SASH1: variants seen among roughly 807,000 people sequenced by gnomAD.
SASH1 encodes the protein SAM and SH3 domain containing 1, also known as SAM and SH3 domain-containing protein 1.
A neutral mutation model predicts 125.2 loss-of-function variants in SASH1; 44 were observed. The observed-to-expected ratio is 0.35, with a 90% CI of 0.28 to 0.45. The LOEUF (loss-of-function observed/expected upper bound fraction) is 0.45. Among genes scored for constraint, SASH1 ranks in the 20% least tolerant of loss-of-function variants. SASH1 has a pLI of 1.00. For synonymous variants in SASH1, 639 were observed against 649.1 expected, an observed-to-expected ratio of 0.98 and a Z score of 0.24; for missense variants, 1,426 against 1,614.5, an observed-to-expected ratio of 0.88 and a Z score of 2.00.
rs182406611 is a variant in SASH1 at position 148,467,798 on chromosome 6, G to A, written c.387-747G>A. Among the ~76,000 whole-genome samples the A allele has an allele frequency of 3.2e-4, 48 of 152,240 alleles. 1 individual carries two copies. The highest frequency in any genetic ancestry group is 1.2e-3 in the South Asian group (6 of 4,814). Reference sequence around the variant, plus strand: ...CTAAAAATACAAAAATTAGCCAGGCGTGATGGCGCATACCTGTAATCTCAG... The same window carrying A: ...CTAAAAATACAAAAATTAGCCAGGCATGATGGCGCATACCTGTAATCTCAG... On this transcript the variant is annotated intron_variant, in intron 4 of 19. Transcript: ENST00000367467.
chr6:148,332,812 C>A (rs2114605796), intron 1 of SASH1, among the ~76,000 whole-genome samples: 1 of 151,818 alleles, frequency 6.6e-6, no homozygotes, highest in South Asian at 2.1e-4. Flanking sequence ...ATGGTAAAAC[C>A]CCATCTCTAC....
intron 1 of SASH1, among the ~76,000 whole-genome samples, chr6:148,359,140 G>A (rs1782079408): frequency 6.6e-6 from 1 of 151,856 alleles, no homozygotes; most frequent in Non-Finnish European, 1.5e-5. Context: ...GCACTTTGCA[G>A]TTATGGCTTG....
At chr6:148,230,932 T>C in the SASH1 span, among the ~76,000 whole-genome samples, 1 of 152,372 alleles carries the variant, frequency 6.6e-6, no homozygotes, top group South Asian at 2.1e-4. Flanking sequence ...GTAGGTTGTC[T>C]TTTCACATTC....
chr6:148,391,901 A>G lies in SASH1; in HGVS notation c.285+1639A>G, dbSNP rs554469319. Among the ~76,000 whole-genome samples, 5 of 152,280 alleles carry G rather than the reference A, an allele frequency of 3.3e-5. No individual in the cohort carries two copies. In the East Asian group the frequency reaches 9.6e-4, roughly 29 times the overall value. On this transcript the variant is annotated intron_variant, in intron 2 of 19. Coordinates refer to ENST00000367467, the MANE Select transcript of SASH1 (RefSeq NM_015278.5). ...AAAATGTTCAACCCTCTGTCTCCTC[A>G]TCCAGACCTGTTCCTTTTGAGCCAT... is the stretch of plus-strand genomic sequence containing the variant.
chr6:148,403,986 TAGTG>T (rs1784278049), intron 2 of SASH1, among the ~76,000 whole-genome samples: 3 of 152,340 alleles, frequency 2.0e-5, no homozygotes, highest in South Asian at 4.1e-4. Flanking sequence ...CACCTTTCTA[TAGTG>T]AGTATGTTGT....
At chr6:148,297,436 A>G (rs955117688) in intron 1 of SASH1, among the ~76,000 whole-genome samples, 4 of 151,270 alleles carry the variant, frequency 2.6e-5, no homozygotes, top group African/African-American at 9.7e-5. Context: ...CTAGGATTGT[A>G]AAAAAAAATA....
rs1381500273 is a variant in SASH1, at chr6:148,533,711, C to CTTGAT, written c.1735-56_1735-52dup. On this transcript the variant is annotated intron_variant, in intron 14 of 19. Transcript: ENST00000367467. This position sits in a 1 kb window ranked among gnomAD's most constrained non-coding sequence, Gnocchi z 6.2. Reference sequence around the variant, plus strand: ...GCATGACCTGTGTATCTGACAGATTCTTGATTTGTACGTTCATGGAATGTA... The same window carrying CTTGAT: ...GCATGACCTGTGTATCTGACAGATTCTTGATTTGATTTGTACGTTCATGGAATGTA... The CTTGAT allele has an allele frequency of 2.7e-6, 4 of 1,485,602 alleles. No homozygotes were observed. The Admixed American group carries it at 5.2e-5, about 19-fold the overall frequency. 92.0% of individuals were successfully genotyped at this position (1,485,602 alleles called of 1,614,324 possible).
intron 7 of SASH1, among the ~76,000 whole-genome samples, chr6:148,477,359 T>G (rs1778408913): frequency 6.6e-6 from 1 of 151,636 alleles, no homozygotes; most frequent in Non-Finnish European, 1.5e-5. Flanking sequence ...CTCAAACAAC[T>G]CAATAGGAAA....
At chr6:148,497,222 C>T (rs530784505) in intron 8 of SASH1, among the ~76,000 whole-genome samples, 3 of 152,156 alleles carry the variant, frequency 2.0e-5, no homozygotes, top group Non-Finnish European at 4.4e-5. Context: ...GAGAAATGCC[C>T]GTTTTGTTCC....
At chr6:148,315,396 C>T (rs1171256088) in intron 1 of SASH1, among the ~76,000 whole-genome samples, 1 of 152,098 alleles carries the variant, frequency 6.6e-6, no homozygotes, top group Non-Finnish European at 1.5e-5. Flanking sequence ...GAAAGTGAAC[C>T]TTAGAGAGTA....
At chr6:148,249,209 AGCAGTGGATGACAATTTT>A in the SASH1 span, among the ~76,000 whole-genome samples, 23 of 152,368 alleles carry the variant, frequency 1.5e-4, no homozygotes, top group Non-Finnish European at 3.1e-4. Flanking sequence ...CAGGTCCTAG[AGCAGTGGATGACAATTTT>A]GCTAAACGAA....
At position 148,548,566 on chromosome 6, in the gene SASH1, C is replaced by A. The variant is rs756363256; in HGVS notation, c.*8C>A. On this transcript the variant is annotated 3_prime_UTR_variant, in exon 20 of 20. Transcript: ENST00000367467. ...GGCCCTGAGGCCATGTAGCCAGGCC[C>A]GGAATGGGCCTCTCTGGACAAGAGC... 6.3e-7 allele frequency: 1 copy of A among 1,583,014 alleles called. No homozygotes were observed. The highest frequency in any genetic ancestry group is 2.2e-5 in the East Asian group (1 of 44,714).
rs1779154050 is a variant in SASH1 at position 148,492,664 on chromosome 6, A to G, written c.729+4949A>G. 2.0e-5 allele frequency among the ~76,000 whole-genome samples: 3 copies of G among 151,962 alleles called. No homozygotes were observed. The South Asian group carries it at 6.2e-4, about 32-fold the overall frequency. On this transcript the variant is annotated intron_variant, in intron 8 of 19. Transcript: ENST00000367467. Reference sequence around the variant, plus strand: ...GAAACCCGGTCTCTACAAAAATACAATAGAAAATTAGCCAGATGTGGTGGT... The same window carrying G: ...GAAACCCGGTCTCTACAAAAATACAGTAGAAAATTAGCCAGATGTGGTGGT...
intron 7 of SASH1, among the ~76,000 whole-genome samples, chr6:148,476,619 G>A (rs184903556): frequency 6.6e-6 from 1 of 152,240 alleles, no homozygotes; most frequent in East Asian, 1.9e-4. Context: ...GGCGGAGGTC[G>A]CAGTAAGCCA....
chr6:148,345,289 G>A (rs2114641937), intron 1 of SASH1, among the ~76,000 whole-genome samples: 1 of 152,284 alleles, frequency 6.6e-6, no homozygotes, highest in African/African-American at 2.4e-5. Context: ...ACAGATTCCA[G>A]CACTGTTGGG....
intron 1 of SASH1, among the ~76,000 whole-genome samples, chr6:148,343,623 G>A (rs2114635433): frequency 6.6e-6 from 1 of 152,260 alleles, no homozygotes; most frequent in Middle Eastern, 3.4e-3. Context: ...ACCACAAGAG[G>A]GAAAACAAAC....
intron 8 of SASH1, among the ~76,000 whole-genome samples, chr6:148,500,672 G>A (rs1175750910): frequency 1.3e-5 from 2 of 152,164 alleles, no homozygotes; most frequent in Admixed American, 6.5e-5. Flanking sequence ...TTTCCAGTGG[G>A]CCTCAGAAAT....
chr6:148,214,443 T>A, the SASH1 span, among the ~76,000 whole-genome samples: 1 of 152,204 alleles, frequency 6.6e-6, no homozygotes, highest in Non-Finnish European at 1.5e-5. Context: ...GGTAAGTTAC[T>A]CTATATCTCT....
At chr6:148,463,100 A>G (rs965913507) in intron 4 of SASH1, among the ~76,000 whole-genome samples, 7 of 152,094 alleles carry the variant, frequency 4.6e-5, no homozygotes, top group Non-Finnish European at 7.4e-5. Context: ...AAAAGAAAAT[A>G]TGGCAACCTA....
Sources: allele counts gnomAD v4.1 joint callset (sites outside exome capture counted in the v4.1 genomes callset), GRCh38; gene constraint gnomAD v4.1.1; non-coding constraint Gnocchi (gnomAD v3.1); transcripts MANE v1.5; gene names NCBI Gene and HGNC (gene_info 2026-07-23, HGNC 2026-07-21).